The following ZNF564 variants were observed in gnomAD, a reference collection of about 807,000 sequenced individuals.
The protein encoded by ZNF564 is zinc finger protein 564.
A neutral mutation model predicts 10.5 loss-of-function variants in ZNF564; 5 were observed. That is an observed-to-expected ratio of 0.48 (90% CI 0.25 to 1.00). The LOEUF (loss-of-function observed/expected upper bound fraction) is 1.00. Ranked by LOEUF, ZNF564 falls within the 50% of genes least tolerant of loss-of-function variation. The pLI is 0.16. For missense variants in ZNF564, 603 were observed against 669.7 expected (o/e 0.90, Z 1.10); for synonymous variants, 242 against 218.1 (o/e 1.11, Z -0.97).
chr19:12,534,173 T>C (rs941948565), intron 1 of ZNF564, among the ~76,000 whole-genome samples: 1 of 152,110 alleles, frequency 6.6e-6, no homozygotes, highest in Non-Finnish European at 1.5e-5. Context: ...CTCTCACCAC[T>C]ACTATTCAAC....
intron 1 of ZNF564, among the ~76,000 whole-genome samples, chr19:12,536,766 AGAGT>A (rs1278189096): frequency 1.3e-5 from 2 of 152,206 alleles, no homozygotes; most frequent in Admixed American, 6.5e-5. Flanking sequence ...GGAAGCCGAT[AGAGT>A]GAGCCATCAC....
rs372492757 is a variant in ZNF564 at position 12,526,435 on chromosome 19, C to T, written c.*11G>A. On this transcript the variant is annotated 3_prime_UTR_variant, in exon 4 of 4. Transcript: ENST00000339282. ...CTTTAGATATGTAGATACTTGTAGA[C>T]CTGTCCTCCACTATTCATTTTCACA... 1.3e-5 allele frequency: 21 copies of T among 1,563,510 alleles called. No homozygotes were observed. Among genetic ancestry groups the T allele is most frequent in the Non-Finnish European group, 1.8e-5 (21 of 1,159,176 alleles).
In ZNF564 at chr19:12,526,706, C is replaced by T. The variant is rs537836292; in HGVS notation, c.1402G>A (p.Glu468Lys). The change falls in exon 4 of 4, where the codon GAA (glutamate) becomes AAA (lysine). Residue 468 changes from glutamate to lysine, a missense_variant. Glu to Lys is a moderately conservative substitution (Grantham distance 56, BLOSUM62 1). Coordinates refer to ENST00000339282, the MANE Select transcript of ZNF564 (RefSeq NM_144976.4). ...FDCPSSVRTH[E>K]RTHTGEKPYE... is the part of the protein sequence containing the mutation. ...GGTTTTTCTCCAGTATGAGTTCTTT[C>T]ATGTGTTCGGACAGAACTAGGACAG... 5.6e-6 allele frequency: 9 copies of T among 1,614,176 alleles called. No individual in the cohort carries two copies. In the East Asian group the frequency reaches 2.0e-4, roughly 36 times the overall value.
chr19:12,527,394 T>C lies in ZNF564; in HGVS notation c.714A>G (p.Pro238=). The C allele has an allele frequency of 6.2e-7, 1 of 1,614,136 alleles. No individual in the cohort carries two copies. The highest frequency in any genetic ancestry group is 8.5e-7 in the Non-Finnish European group (1 of 1,180,002). The stretch of plus-strand genomic sequence containing the variant: ...GCCTAATCATGTGTCTTTGAAAACT[T>C]GGAAGAGAAATGAAAGCTTTTGCAC... The part of the protein sequence containing the change: ...QECAKAFISL[P]SFQRHMIRHT... Residue 238 remains proline (P), a synonymous_variant, in exon 4 of 4, where the codon CCA becomes CCG. Coordinates refer to ENST00000339282, the MANE Select transcript of ZNF564 (RefSeq NM_144976.4).
At chr19:12,539,559 T>TGCC (rs1459280350) in intron 1 of ZNF564, among the ~76,000 whole-genome samples, 2 of 149,736 alleles carry the variant, frequency 1.3e-5, no homozygotes, top group Non-Finnish European at 3.0e-5. Context: ...TCCCAGTTAC[T>TGCC]TGGGAGGCTG....
At position 12,526,829 on chromosome 19, in the gene ZNF564, C is replaced by T. The variant is rs774587608; in HGVS notation, c.1279G>A (p.Gly427Arg). 1.1e-5 allele frequency: 18 copies of T among 1,613,990 alleles called. No homozygotes were observed. Among genetic ancestry groups the T allele is most frequent in the Non-Finnish European group, 1.4e-5 (17 of 1,180,014 alleles). Residue 427 changes from glycine to arginine, a missense_variant, in exon 4 of 4, where the codon GGG (glycine) becomes AGG (arginine). Gly to Arg is a moderately radical substitution (Grantham distance 125). Transcript: ENST00000339282. Reference protein sequence around the residue: ...GEKPYECQVCGKAFISLKRIR... With the variant: ...GEKPYECQVCRKAFISLKRIR... ...CTTTTAAGAGAAATGAAGGCTTTCCCACATACCTGACATTCATAGGGTTTC... is the reference window on the plus strand; with the variant it reads ...CTTTTAAGAGAAATGAAGGCTTTCCTACATACCTGACATTCATAGGGTTTC...
chr19:12,540,587 G>T (rs1205999183), intron 1 of ZNF564, among the ~76,000 whole-genome samples: 1 of 152,160 alleles, frequency 6.6e-6, no homozygotes, highest in Admixed American at 6.5e-5. Context: ...GGGTGTGGTA[G>T]CTCATGCCTG....
intron 1 of ZNF564, among the ~76,000 whole-genome samples, chr19:12,535,838 A>C (rs1056624737): frequency 6.6e-6 from 1 of 152,062 alleles, no homozygotes; most frequent in East Asian, 1.9e-4. Flanking sequence ...ACATGGTGAA[A>C]TCCATCTCTA....
intron 1 of ZNF564, among the ~76,000 whole-genome samples, chr19:12,537,200 T>C (rs1222448233): frequency 6.6e-6 from 1 of 152,208 alleles, no homozygotes; most frequent in Non-Finnish European, 1.5e-5. Context: ...TCTTTATCTA[T>C]CATCCAATGA....
intron 1 of ZNF564, among the ~76,000 whole-genome samples, chr19:12,549,297 G>A (rs1429243972): frequency 1.3e-5 from 2 of 152,114 alleles, no homozygotes; most frequent in Non-Finnish European, 2.9e-5. Flanking sequence ...CAAACCCAGG[G>A]AGAGGCAATG....
Position 12,527,809 on chromosome 19 carries a change from A to C in ZNF564, c.299T>G (p.Val100Gly). Residue 100 changes from valine (V) to glycine (G), a missense_variant, in exon 4 of 4, where the codon GTA becomes GGA. Val to Gly is a moderately radical substitution (Grantham distance 109). Transcript: ENST00000339282. ...LNLNKKIPTI[V>G]RPCECSLCGK... ...ACACAAACTACATTCACATGGTCTT[A>C]CTATAGTAGGAATTTTCTTGTTCAG... The C allele has an allele frequency of 6.2e-7, 1 of 1,614,154 alleles. No individual in the cohort carries two copies. Among genetic ancestry groups the C allele is most frequent in the Non-Finnish European group, 8.5e-7 (1 of 1,180,024 alleles).
intron 1 of ZNF564, among the ~76,000 whole-genome samples, chr19:12,545,912 A>G (rs2022143501): frequency 6.6e-6 from 1 of 152,142 alleles, no homozygotes; most frequent in South Asian, 2.1e-4. Flanking sequence ...ACAACCCTCT[A>G]GTCATGGGTT....
chr19:12,528,534 C>G (rs771977407), intron 2 of ZNF564, 36 bp downstream of exon 2: 3 of 1,607,780 alleles, frequency 1.9e-6, no homozygotes, highest in East Asian at 2.2e-5. Context: ...TACTTCTTCT[C>G]TAACTGACTA....
rs183974556 is a variant in ZNF564 at position 12,535,990 on chromosome 19, C to G, written c.4-7294G>C. Among the ~76,000 whole-genome samples, 29 of 141,480 alleles carry G rather than the reference C, an allele frequency of 2.0e-4. 1 individual carries two copies. The South Asian group carries it at 6.4e-3, about 31-fold the overall frequency. 92.8% of individuals were successfully genotyped at this position (141,480 alleles called of 152,430 possible). A position where few individuals can be genotyped will look rare whatever the true frequency, so the allele number is the denominator to read the frequency against. Reference sequence around the variant, plus strand: ...ACTGTGCGACTGCATTCCAGAGTGGCGACAGAGCGTGACTCCGTCTCAAAA... The same window carrying G: ...ACTGTGCGACTGCATTCCAGAGTGGGGACAGAGCGTGACTCCGTCTCAAAA... On this transcript the variant is annotated intron_variant, in intron 1 of 3. Transcript: ENST00000339282.
At chr19:12,543,584 G>C (rs1287815837) in intron 1 of ZNF564, among the ~76,000 whole-genome samples, 1 of 138,414 alleles carries the variant, frequency 7.2e-6, no homozygotes, top group Non-Finnish European at 1.5e-5. Flanking sequence ...TGAGGCAGGA[G>C]AATCACTTGA....
chr19:12,549,232 C>T (rs10423340), intron 1 of ZNF564, among the ~76,000 whole-genome samples: 10,209 of 152,190 alleles, frequency 0.067, 966 homozygotes, highest in African/African-American at 0.21. Context: ...AAAATACATT[C>T]TACATTTAAT....
intron 1 of ZNF564, among the ~76,000 whole-genome samples, chr19:12,538,557 G>A (rs577592183): frequency 7.2e-4 from 109 of 152,018 alleles, no homozygotes; most frequent in Middle Eastern, 6.8e-3. Flanking sequence ...CCCAGGAGGC[G>A]GAGGTTGCAG....
At chr19:12,548,804 T>G in intron 1 of ZNF564, 1 of 702,874 alleles carries the variant, frequency 1.4e-6, no homozygotes, top group East Asian at 2.7e-5. Context: ...TTAGCATTAA[T>G]CACCAAAGTC....
At chr19:12,534,145 A>T (rs1211447705) in intron 1 of ZNF564, among the ~76,000 whole-genome samples, 1 of 152,176 alleles carries the variant, frequency 6.6e-6, no homozygotes, top group African/African-American at 2.4e-5. Flanking sequence ...AAGACCAGAA[A>T]CAGGGTAAGA....
Sources: allele counts gnomAD v4.1 joint callset (sites outside exome capture counted in the v4.1 genomes callset), GRCh38; gene constraint gnomAD v4.1.1; transcripts MANE v1.5; gene names NCBI Gene and HGNC (gene_info 2026-07-23, HGNC 2026-07-21).